The following FBXO33 variants were observed in gnomAD, a reference collection of about 807,000 sequenced individuals.
The protein encoded by FBXO33 is F-box protein 33.
FBXO33 carries 22 observed loss-of-function variants against 46.3 expected under a neutral mutation model. That is an observed-to-expected ratio of 0.48 (90% CI 0.34 to 0.68). FBXO33 has a LOEUF of 0.68. Ranked by LOEUF, FBXO33 falls within the 30% of genes least tolerant of loss-of-function variation. The pLI is 0.01. For missense variants in FBXO33, 692 were observed against 708.8 expected (o/e 0.98, Z 0.27); for synonymous variants, 337 against 291.3 (o/e 1.16, Z -1.60).
intron 1 of FBXO33, among the ~76,000 whole-genome samples, chr14:39,430,183 C>G (rs1046465363): frequency 1.1e-4 from 16 of 152,192 alleles, no homozygotes; most frequent in African/African-American, 3.9e-4. Flanking sequence ...GAGAAAGTCT[C>G]TAACCTAATC....
At chr14:39,428,693 T>G (rs1002497781) in intron 1 of FBXO33, among the ~76,000 whole-genome samples, 5 of 152,164 alleles carry the variant, frequency 3.3e-5, no homozygotes, top group African/African-American at 1.2e-4. Context: ...TACCATGAGC[T>G]CTCGTTTTTC....
chr14:39,404,736 C>G (rs987130256), intron 1 of FBXO33, among the ~76,000 whole-genome samples: 5 of 152,048 alleles, frequency 3.3e-5, no homozygotes, highest in Non-Finnish European at 1.5e-5. Flanking sequence ...TCAAAGCGAG[C>G]TGAAAAGAAT....
Position 39,432,139 on chromosome 14 carries a change from CG to C in FBXO33, c.23del (p.Pro8ArgfsTer68). 1.6e-6 allele frequency: 2 copies of C among 1,239,168 alleles called. No individual in the cohort carries two copies. Among genetic ancestry groups the C allele is most frequent in the Middle Eastern group, 2.1e-4 (1 of 4,802 alleles). 76.8% of individuals were successfully genotyped at this position (1,239,168 alleles called of 1,614,324 possible). A position where few individuals can be genotyped will look rare whatever the true frequency, so the allele number is the denominator to read the frequency against. On this transcript the variant is annotated frameshift_variant, in exon 1 of 4. Coordinates refer to ENST00000298097, the MANE Select transcript of FBXO33 (RefSeq NM_203301.4). LOFTEE classifies it high-confidence loss of function. The part of the protein sequence containing the change: MLLFLSV[P>X]QPRPPGARTR... ...TTCGAGCTCCCGGCGGTCGGGGCTGCGGCACTGACAAGAACAACAACATCAA... is the reference window on the plus strand; with the variant it reads ...TTCGAGCTCCCGGCGGTCGGGGCTGCGCACTGACAAGAACAACAACATCAA...
chr14:39,411,528 T>C (rs77006866), intron 1 of FBXO33, among the ~76,000 whole-genome samples: 209 of 134,840 alleles, frequency 1.5e-3, no homozygotes, highest in Admixed American at 3.7e-3. Context: ...TTCCCCCCCC[T>C]TTTTTTTTCT....
chr14:39,410,157 C>T (rs1472984813), intron 1 of FBXO33, among the ~76,000 whole-genome samples: 6 of 152,128 alleles, frequency 3.9e-5, no homozygotes, highest in African/African-American at 1.4e-4. Flanking sequence ...TGATATTAAG[C>T]TGTGGGCTTG....
rs778105323 is a variant in FBXO33 at position 39,431,876 on chromosome 14, G to C, written c.287C>G (p.Ser96Trp). The C allele has an allele frequency of 1.3e-6, 2 of 1,575,390 alleles. No individual in the cohort carries two copies. The highest frequency in any genetic ancestry group is 3.6e-5 in the Admixed American group (2 of 54,948). ...ATAGAAGAGGCACTCACGCCAGTGC[G>C]AGCAGGAGGCCGAGGCCCGCAGCCG... ...PDRLRASASC[S>W]HWRECLFYPA... Residue 96 changes from serine to tryptophan, a missense_variant, in exon 1 of 4, where the codon TCG becomes TGG. Physicochemically the swap from Ser to Trp is radical, Grantham distance 177. This residue lies in a region of FBXO33 where 412 missense variants were observed against 370.8 expected (regional missense o/e 1.11). Coordinates refer to ENST00000298097, the MANE Select transcript of FBXO33 (RefSeq NM_203301.4).
intron 1 of FBXO33, among the ~76,000 whole-genome samples, chr14:39,417,033 G>A (rs2075451815): frequency 6.6e-6 from 1 of 152,100 alleles, no homozygotes; most frequent in African/African-American, 2.4e-5. Flanking sequence ...AGGCATCCAG[G>A]CTCCACCAGT....
intron 3 of FBXO33, 142 bp downstream of exon 3, chr14:39,401,034 A>C: frequency 1.3e-6 from 1 of 747,732 alleles, no homozygotes; most frequent in Non-Finnish European, 2.0e-6. Flanking sequence ...TATATCTTGC[A>C]AACTTTAAAA....
At chr14:39,422,782 C>G (rs866785723) in intron 1 of FBXO33, among the ~76,000 whole-genome samples, 1 of 152,060 alleles carries the variant, frequency 6.6e-6, no homozygotes, top group Non-Finnish European at 1.5e-5. Flanking sequence ...CATAAAGGAA[C>G]AAAATGTCAA....
At chr14:39,405,086 T>A (rs1196151533) in intron 1 of FBXO33, among the ~76,000 whole-genome samples, 3 of 147,704 alleles carry the variant, frequency 2.0e-5, no homozygotes, top group African/African-American at 7.5e-5. Flanking sequence ...AGATGGGAGG[T>A]TGCAGTGAGC....
intron 1 of FBXO33, among the ~76,000 whole-genome samples, chr14:39,407,973 C>T (rs768740242): frequency 4.3e-4 from 65 of 152,300 alleles, no homozygotes; most frequent in Non-Finnish European, 6.9e-4. Context: ...GACGGTCTCA[C>T]TCTCGTTGCC....
chr14:39,420,650 C>T (rs2075478453), intron 1 of FBXO33, among the ~76,000 whole-genome samples: 1 of 151,990 alleles, frequency 6.6e-6, no homozygotes, highest in Admixed American at 6.6e-5. Context: ...GAGATTGCGT[C>T]ACTGCACTCC....
At chr14:39,425,546 C>G (rs936510607) in intron 1 of FBXO33, among the ~76,000 whole-genome samples, 2 of 152,156 alleles carry the variant, frequency 1.3e-5, no homozygotes, top group African/African-American at 4.8e-5. Flanking sequence ...AATAATCCAC[C>G]ATCATTGCAT....
intron 1 of FBXO33, among the ~76,000 whole-genome samples, chr14:39,430,408 C>T (rs1048998544): frequency 3.3e-5 from 5 of 152,104 alleles, no homozygotes; most frequent in Admixed American, 6.5e-5. Flanking sequence ...ATATATATCT[C>T]CTAGCATTAA....
chr14:39,410,919 A>G (rs1014556597), intron 1 of FBXO33, among the ~76,000 whole-genome samples: 12 of 151,778 alleles, frequency 7.9e-5, no homozygotes, highest in Non-Finnish European at 1.8e-4. Context: ...AGGTTTGTCA[A>G]TTTTGTTTAC....
chr14:39,404,936 C>G (rs1595982468), intron 1 of FBXO33, among the ~76,000 whole-genome samples: 1 of 151,878 alleles, frequency 6.6e-6, no homozygotes, highest in South Asian at 2.1e-4. Context: ...ATCACGAGGT[C>G]AGGAGTTCGA....
At chr14:39,418,172 T>C (rs2139414211) in intron 1 of FBXO33, among the ~76,000 whole-genome samples, 1 of 151,918 alleles carries the variant, frequency 6.6e-6, no homozygotes, top group East Asian at 2.0e-4. Context: ...CACGTCATTC[T>C]CCTGCCTCAG....
At chr14:39,400,728 G>A (rs2075364761) in intron 3 of FBXO33, among the ~76,000 whole-genome samples, 2 of 152,174 alleles carry the variant, frequency 1.3e-5, no homozygotes, top group East Asian at 1.9e-4. Context: ...AATGAAAGAA[G>A]CATATCAATG....
Position 39,398,064 on chromosome 14 carries a change from CT to C in FBXO33, c.*1451del, listed in dbSNP as rs1236665979. On this transcript the variant is annotated 3_prime_UTR_variant, in exon 4 of 4. Coordinates refer to ENST00000298097, the MANE Select transcript of FBXO33 (RefSeq NM_203301.4). ...AAACCATTTGTAAAACACATATAAA[CT>C]TTTTTCCATAAATAGAATCATATCT... 6.6e-6 allele frequency: 1 copy of C among 152,604 alleles called. No individual in the cohort carries two copies. The highest frequency in any genetic ancestry group is 1.5e-5 in the Non-Finnish European group (1 of 68,028). 9.5% of individuals were successfully genotyped at this position (152,604 alleles called of 1,614,324 possible).
Sources: allele counts gnomAD v4.1 joint callset (sites outside exome capture counted in the v4.1 genomes callset), GRCh38; gene constraint gnomAD v4.1.1; regional missense constraint gnomAD v4.1.1; transcripts MANE v1.5; gene names NCBI Gene and HGNC (gene_info 2026-07-23, HGNC 2026-07-21).